Variants in AKAP19 observed in about 807,000 individuals in gnomAD.
AKAP19 encodes small A-kinase anchoring protein.
At chr2:190,097,014 A>C in the AKAP19 span, among the ~76,000 whole-genome samples, 1 of 152,224 alleles carries the variant, frequency 6.6e-6, no homozygotes, top group Non-Finnish European at 1.5e-5. Context: ...GGCGAGAGAC[A>C]CAAACATTCA....
chr2:190,070,993 G>A, the AKAP19 span, among the ~76,000 whole-genome samples: 8,824 of 152,216 alleles, frequency 0.058, 377 homozygotes, highest in Non-Finnish European at 0.09. Context: ...ATAGATGAGG[G>A]GGGTCCCAGA....
chr2:190,145,591 T>A, the AKAP19 span, among the ~76,000 whole-genome samples: 139,710 of 152,068 alleles, frequency 0.92, 64,925 homozygotes, highest in East Asian at 1. Flanking sequence ...AGGTACACAA[T>A]TACTTAGTGT....
chr2:189,958,001 C>A, the AKAP19 span, among the ~76,000 whole-genome samples: 2 of 152,232 alleles, frequency 1.3e-5, no homozygotes, highest in African/African-American at 4.8e-5. Flanking sequence ...ACCATGTTGG[C>A]CAGGCTGGTC....
the AKAP19 span, among the ~76,000 whole-genome samples, chr2:190,019,079 G>T: frequency 6.6e-6 from 1 of 152,200 alleles, no homozygotes; most frequent in African/African-American, 2.4e-5. Context: ...AGGCTAGGTG[G>T]AGTCACTGCT....
At chr2:189,990,907 T>G in the AKAP19 span, among the ~76,000 whole-genome samples, 2 of 152,144 alleles carry the variant, frequency 1.3e-5, no homozygotes, top group African/African-American at 4.8e-5. Context: ...ATCACTCTTA[T>G]GCCTTTGCAT....
the AKAP19 span, among the ~76,000 whole-genome samples, chr2:190,002,391 A>G: frequency 1.3e-5 from 2 of 152,094 alleles, no homozygotes; most frequent in African/African-American, 2.4e-5. Context: ...CACTCCCATT[A>G]GTTTCTATTC....
At chr2:189,976,409 G>C in the AKAP19 span, among the ~76,000 whole-genome samples, 1 of 152,214 alleles carries the variant, frequency 6.6e-6, no homozygotes, top group Non-Finnish European at 1.5e-5. Context: ...CTCCCAATTA[G>C]GCTCTTCAGG....
At chr2:190,193,943 A>G in the AKAP19 span, among the ~76,000 whole-genome samples, 2 of 152,068 alleles carry the variant, frequency 1.3e-5, no homozygotes, top group African/African-American at 4.8e-5. Flanking sequence ...TTTCCTTCTA[A>G]GCTCTAAAAC....
chr2:190,179,064 G>A, the AKAP19 span, among the ~76,000 whole-genome samples: 8 of 152,338 alleles, frequency 5.3e-5, no homozygotes, highest in East Asian at 7.7e-4. The surrounding 1 kb of genome is among the most constrained non-coding windows in gnomAD (Gnocchi z 6.0). Flanking sequence ...CCTGAAATAT[G>A]TAGAACTGAA....
At chr2:190,072,942 C>T in the AKAP19 span, among the ~76,000 whole-genome samples, 2 of 151,742 alleles carry the variant, frequency 1.3e-5, 1 homozygote, top group Non-Finnish European at 2.9e-5. Context: ...AGAAAATGAA[C>T]CATAAAATAG....
At chr2:189,892,786 C>T in the AKAP19 span, among the ~76,000 whole-genome samples, 1 of 152,156 alleles carries the variant, frequency 6.6e-6, no homozygotes, top group Non-Finnish European at 1.5e-5. Context: ...CTGCTCTCTT[C>T]AGAGCTGGTA....
At chr2:190,035,326 G>A in the AKAP19 span, among the ~76,000 whole-genome samples, 1 of 151,984 alleles carries the variant, frequency 6.6e-6, no homozygotes, top group Non-Finnish European at 1.5e-5. Context: ...AGCTACTCAG[G>A]AGGCTGAGGC....
the AKAP19 span, among the ~76,000 whole-genome samples, chr2:190,176,376 C>T: frequency 6.6e-6 from 1 of 152,158 alleles, no homozygotes; most frequent in East Asian, 1.9e-4. This position sits in a 1 kb window ranked among gnomAD's most constrained non-coding sequence, Gnocchi z 4.7. Flanking sequence ...GACACAGAGT[C>T]TCGCACTGTC....
the AKAP19 span, among the ~76,000 whole-genome samples, chr2:189,956,585 TA>T: frequency 1.3e-5 from 2 of 151,920 alleles, no homozygotes; most frequent in African/African-American, 4.8e-5. Context: ...AAGAACATAT[TA>T]ATTTTTTTTT....
At chr2:189,909,616 A>G in the AKAP19 span, among the ~76,000 whole-genome samples, 59 of 152,220 alleles carry the variant, frequency 3.9e-4, no homozygotes, top group Admixed American at 1.4e-3. Context: ...ATTGCATACA[A>G]AAACACTATG....
the AKAP19 span, among the ~76,000 whole-genome samples, chr2:190,067,365 A>G: frequency 6.6e-6 from 1 of 152,218 alleles, no homozygotes; most frequent in Admixed American, 6.5e-5. Flanking sequence ...TACTTGGAGA[A>G]CCATATGCCC....
chr2:190,123,216 C>T, the AKAP19 span, among the ~76,000 whole-genome samples: 1 of 152,046 alleles, frequency 6.6e-6, no homozygotes, highest in Non-Finnish European at 1.5e-5. Flanking sequence ...TTCTCATTTT[C>T]TCATCAATCC....
At chr2:190,045,744 C>T in the AKAP19 span, among the ~76,000 whole-genome samples, 10 of 152,298 alleles carry the variant, frequency 6.6e-5, no homozygotes, top group African/African-American at 1.2e-4. Context: ...TGCAGGCTGT[C>T]GCTGCTCAGC....
At chr2:190,140,171 G>C in the AKAP19 span, among the ~76,000 whole-genome samples, 1 of 152,178 alleles carries the variant, frequency 6.6e-6, no homozygotes, top group Non-Finnish European at 1.5e-5. Context: ...AGTTCCCATG[G>C]TCTTGGTTAG....
Sources: gnomAD v4.1 joint callset for allele counts (sites outside exome capture counted in the v4.1 genomes callset) on GRCh38, gnomAD v4.1.1 for gene constraint, Gnocchi (gnomAD v3.1) non-coding constraint, MANE v1.5 for transcripts, NCBI Gene and HGNC (gene_info 2026-07-23, HGNC 2026-07-21) for gene names.